GREB1L: variants seen among roughly 807,000 people sequenced by gnomAD.
GREB1L encodes the protein GREB1 like retinoic acid receptor coactivator.
A neutral mutation model predicts 200.8 loss-of-function variants in GREB1L; 17 were observed. The ratio of observed to expected loss-of-function variants is 0.08; its 90% CI spans 0.06 to 0.13. The LOEUF (loss-of-function observed/expected upper bound fraction) is 0.13, where lower values mean the gene tolerates loss of function less well. Ranked by LOEUF, GREB1L falls within the 10% of genes least tolerant of loss-of-function variation. GREB1L has a pLI of 1.00. For synonymous variants in GREB1L, 789 were observed against 893.0 expected, an observed-to-expected ratio of 0.88 and a Z score of 2.08; for missense variants, 1,657 against 2,367.7, an observed-to-expected ratio of 0.70 and a Z score of 6.23.
At chr18:21,457,306 G>T (rs1458814062) in intron 15 of GREB1L, among the ~76,000 whole-genome samples, 2 of 151,858 alleles carry the variant, frequency 1.3e-5, no homozygotes, top group African/African-American at 4.8e-5. Context: ...AGACATGTTT[G>T]GCACACTCAA....
At chr18:21,332,839 G>A (rs1234564481) in intron 1 of GREB1L, among the ~76,000 whole-genome samples, 1 of 152,072 alleles carries the variant, frequency 6.6e-6, no homozygotes, top group Non-Finnish European at 1.5e-5. Context: ...CCAGCACTTT[G>A]GAAGGCTGAG....
chr18:21,267,537 A>G (rs571931401), intron 1 of GREB1L, among the ~76,000 whole-genome samples: 1 of 152,152 alleles, frequency 6.6e-6, no homozygotes, highest in South Asian at 2.1e-4. Context: ...CCATTACATC[A>G]TGAAGTTACA....
chr18:21,248,784 A>G, intron 1 of GREB1L, among the ~76,000 whole-genome samples: 1 of 152,232 alleles, frequency 6.6e-6, no homozygotes, highest in Non-Finnish European at 1.5e-5. Flanking sequence ...ATATACAACC[A>G]AAGATTCAGT....
rs974430068 is a variant in GREB1L at position 21,508,544 on chromosome 18, A to G, written c.4688A>G (p.Asn1563Ser). ...CCTCTGTACCGCAAGTACTGGCCCA[A>G]CCACATCATGCTGGTGCTTCCCGGC... Reference protein sequence around the residue: ...EMPLYRKYWPNHIMLVLPGMF... With the variant: ...EMPLYRKYWPSHIMLVLPGMF... Residue 1563 changes from asparagine (N) to serine (S), a missense_variant, in exon 27 of 33, where the codon AAC (asparagine) becomes AGC (serine). By Grantham distance (46) the Asn-to-Ser change is conservative (BLOSUM62 1). Coordinates refer to ENST00000424526, the MANE Select transcript of GREB1L (RefSeq NM_001142966.3). The G allele has an allele frequency of 1.2e-5, 19 of 1,551,688 alleles. No homozygotes were observed. Among genetic ancestry groups the G allele is most frequent in the Non-Finnish European group, 1.6e-5 (18 of 1,147,050 alleles).
chr18:21,269,292 T>C (rs2038040679), intron 1 of GREB1L, among the ~76,000 whole-genome samples: 1 of 152,184 alleles, frequency 6.6e-6, no homozygotes, highest in South Asian at 2.1e-4. Flanking sequence ...TAATCACCTA[T>C]TCATAATGGT....
At chr18:21,352,685 C>T (rs1005463737) in intron 1 of GREB1L, among the ~76,000 whole-genome samples, 1 of 151,916 alleles carries the variant, frequency 6.6e-6, no homozygotes, top group Non-Finnish European at 1.5e-5. Context: ...CCACCCGCCT[C>T]AGCCTCCGAA....
chr18:21,430,610 A>ATTTTTTTTTTTTTTTTTTGTTTTT, intron 7 of GREB1L, among the ~76,000 whole-genome samples: 1 of 62,560 alleles, frequency 1.6e-5, no homozygotes, highest in Non-Finnish European at 2.9e-5. Flanking sequence ...TTTTTTTTTA[A>ATTTTTTTTTTTTTTTTTTGTTTTT]TTTGAGACGG....
chr18:21,451,837 A>G (rs557426807), intron 13 of GREB1L, among the ~76,000 whole-genome samples: 1 of 152,202 alleles, frequency 6.6e-6, no homozygotes, highest in South Asian at 2.1e-4. Flanking sequence ...GCTTTTGAGT[A>G]TTAGGGAAGT....
At chr18:21,433,876 C>G (rs1208819523) in intron 7 of GREB1L, among the ~76,000 whole-genome samples, 1 of 152,064 alleles carries the variant, frequency 6.6e-6, no homozygotes, top group African/African-American at 2.4e-5. Flanking sequence ...CTGGAGTAGT[C>G]AGGGATTTGG....
intron 1 of GREB1L, among the ~76,000 whole-genome samples, chr18:21,317,218 C>A (rs1462846965): frequency 6.6e-6 from 1 of 150,496 alleles, no homozygotes; most frequent in Admixed American, 6.6e-5. Context: ...AAAAATCAAT[C>A]AATGGATTAA....
chr18:21,453,984 G>C (rs1357255138), intron 14 of GREB1L, among the ~76,000 whole-genome samples: 2 of 152,212 alleles, frequency 1.3e-5, no homozygotes, highest in African/African-American at 4.8e-5. Context: ...ACTGGCCTGT[G>C]CTGATATTTC....
intron 18 of GREB1L, among the ~76,000 whole-genome samples, chr18:21,489,669 T>C (rs1220042319): frequency 6.6e-6 from 1 of 152,150 alleles, no homozygotes. Context: ...CTTCAGATTC[T>C]GATTAGTAGG....
chr18:21,272,251 C>T (rs770666529), intron 1 of GREB1L, among the ~76,000 whole-genome samples: 27 of 152,214 alleles, frequency 1.8e-4, no homozygotes, highest in Non-Finnish European at 2.4e-4. Flanking sequence ...CAATTCTAGA[C>T]TTCAAGATTG....
intron 1 of GREB1L, among the ~76,000 whole-genome samples, chr18:21,358,503 G>C (rs573946418): frequency 5.3e-4 from 80 of 152,310 alleles, no homozygotes; most frequent in African/African-American, 1.9e-3. Context: ...TTTTAGTGGA[G>C]ATGGGGTTTC....
chr18:21,392,151 T>C (rs760882719), intron 4 of GREB1L, among the ~76,000 whole-genome samples: 5 of 152,242 alleles, frequency 3.3e-5, no homozygotes, highest in Non-Finnish European at 4.4e-5. Context: ...ATATTCATGC[T>C]GTACAAGAAA....
At chr18:21,407,589 T>C (rs2030411577) in intron 7 of GREB1L, among the ~76,000 whole-genome samples, 1 of 152,206 alleles carries the variant, frequency 6.6e-6, no homozygotes, top group South Asian at 2.1e-4. Flanking sequence ...GATTTGTTTC[T>C]GGAAAAATTG....
chr18:21,344,119 A>C (rs970691713), intron 1 of GREB1L, among the ~76,000 whole-genome samples: 20 of 152,096 alleles, frequency 1.3e-4, no homozygotes, highest in African/African-American at 4.8e-4. Flanking sequence ...TCACTGCTTG[A>C]GGCTGGGTGC....
chr18:21,468,694 TC>T, intron 15 of GREB1L: 1 of 456,568 alleles, frequency 2.2e-6, no homozygotes, highest in Non-Finnish European at 4.4e-6. Context: ...ATCTCACCAA[TC>T]TTTCTCTTCA....
At chr18:21,443,870 A>G (rs1338632389) in intron 10 of GREB1L, among the ~76,000 whole-genome samples, 1 of 152,240 alleles carries the variant, frequency 6.6e-6, no homozygotes, top group African/African-American at 2.4e-5. Flanking sequence ...ACATCACGTC[A>G]TTCACATGAA....
Sources: gnomAD v4.1 joint callset for allele counts (sites outside exome capture counted in the v4.1 genomes callset) on GRCh38, gnomAD v4.1.1 for gene constraint, MANE v1.5 for transcripts, NCBI Gene and HGNC (gene_info 2026-07-23, HGNC 2026-07-21) for gene names.